MAPK6: variants seen among roughly 807,000 people sequenced by gnomAD.
MAPK6 encodes ERK-3.
Under a neutral mutation model 59.3 loss-of-function variants are expected in MAPK6, and 19 were observed. The observed-to-expected ratio is 0.32, with a 90% CI of 0.22 to 0.47. The LOEUF is 0.47. Ranked by LOEUF, MAPK6 falls within the 20% of genes least tolerant of loss-of-function variation. MAPK6 has a pLI of 1.00. For missense variants in MAPK6, 724 were observed against 847.9 expected (o/e 0.85, Z 1.81); for synonymous variants, 316 against 290.3 (o/e 1.09, Z -0.90).
chr15:52,043,589 G>T (rs562430272), intron 1 of MAPK6, among the ~76,000 whole-genome samples: 1 of 151,698 alleles, frequency 6.6e-6, no homozygotes, highest in Non-Finnish European at 1.5e-5. Context: ...GAGCCACCGC[G>T]CCTGGCCACA....
At chr15:52,034,559 G>T (rs1327743215) in intron 1 of MAPK6, among the ~76,000 whole-genome samples, 1 of 151,890 alleles carries the variant, frequency 6.6e-6, no homozygotes, top group Non-Finnish European at 1.5e-5. Flanking sequence ...GCCTGCCTCG[G>T]CCCCCCAAAG....
chr15:52,016,371 A>AC (rs1254564264), upstream of MAPK6, among the ~76,000 whole-genome samples: 3 of 151,884 alleles, frequency 2.0e-5, no homozygotes, highest in Non-Finnish European at 2.9e-5. Flanking sequence ...CCTGGATGAC[A>AC]AGAGCAAAAC....
chr15:52,039,316 G>C (rs372353069), intron 1 of MAPK6, among the ~76,000 whole-genome samples: 3 of 152,216 alleles, frequency 2.0e-5, no homozygotes, highest in East Asian at 1.9e-4. Flanking sequence ...TCTGGTTACA[G>C]ATTTACTGTA....
At chr15:52,004,910 G>C (rs1009440274) in intron 3 of MAPK6, among the ~76,000 whole-genome samples, 1 of 152,080 alleles carries the variant, frequency 6.6e-6, no homozygotes, top group Non-Finnish European at 1.5e-5. Context: ...CCCTTCTGTC[G>C]CTCTGAGGCT....
chr15:52,064,872 C>T lies in MAPK6; in HGVS notation c.2038C>T (p.Pro680Ser). 2 of 1,611,946 alleles carry T rather than the reference C, an allele frequency of 1.2e-6. No individual in the cohort carries two copies. Among genetic ancestry groups the T allele is most frequent in the Non-Finnish European group, 1.7e-6 (2 of 1,179,826 alleles). Reference sequence around the variant, plus strand: ...CAAGCAGCTCGAGTCCATAGGCATCCCACAGTTTCACAGTCCAGTTGGGTC... The same window carrying T: ...CAAGCAGCTCGAGTCCATAGGCATCTCACAGTTTCACAGTCCAGTTGGGTC... ...FNKQLESIGI[P>S]QFHSPVGSPL... The change falls in exon 6 of 6, where the codon CCA becomes TCA. Residue 680 changes from proline to serine, a missense_variant. Physicochemically the swap from Pro to Ser is moderately conservative, Grantham distance 74. Coordinates refer to ENST00000261845, the MANE Select transcript of MAPK6 (RefSeq NM_002748.4).
In MAPK6 at chr15:52,050,090, C is replaced by G. The variant is rs375629911; in HGVS notation, c.653C>G (p.Ala218Gly). Reference sequence around the variant, plus strand: ...ACTAAAGCCATTGACATGTGGGCTGCAGGCTGCATCTTTGCTGAAATGCTG... The same window carrying G: ...ACTAAAGCCATTGACATGTGGGCTGGAGGCTGCATCTTTGCTGAAATGCTG... ...NYTKAIDMWAAGCIFAEMLTG... is the reference protein window; with the variant it reads ...NYTKAIDMWAGGCIFAEMLTG... Residue 218 changes from alanine to glycine, a missense_variant, in exon 3 of 6, where the codon GCA becomes GGA. Ala to Gly is a moderately conservative substitution (Grantham distance 60). This residue lies in a region of MAPK6 where 105 missense variants were observed against 191.9 expected (regional missense o/e 0.55). Transcript: ENST00000261845. 33 of 1,611,818 alleles carry G rather than the reference C, an allele frequency of 2.0e-5. No homozygotes were observed. Among genetic ancestry groups the G allele is most frequent in the Non-Finnish European group, 2.6e-5 (31 of 1,179,428 alleles).
At chr15:52,063,220 A>T (rs1291001930) in intron 5 of MAPK6, among the ~76,000 whole-genome samples, 1 of 151,948 alleles carries the variant, frequency 6.6e-6, no homozygotes, top group Non-Finnish European at 1.5e-5. Flanking sequence ...ACCCGCCACC[A>T]TGTTCAGCTA....
intron 3 of MAPK6, among the ~76,000 whole-genome samples, chr15:52,057,831 CTCTT>C (rs1309310154): frequency 2.6e-5 from 4 of 152,176 alleles, no homozygotes; most frequent in Non-Finnish European, 5.9e-5. Context: ...TTAGCTTACT[CTCTT>C]TTTCTTTATA....
intron 5 of MAPK6, among the ~76,000 whole-genome samples, chr15:52,062,777 A>G (rs1424316858): frequency 6.6e-6 from 1 of 152,170 alleles, no homozygotes; most frequent in Non-Finnish European, 1.5e-5. Context: ...ATAAATAAAT[A>G]AATACATTTC....
intron 1 of MAPK6, among the ~76,000 whole-genome samples, chr15:52,026,071 T>G (rs2030762409): frequency 6.6e-6 from 1 of 152,216 alleles, no homozygotes; most frequent in Non-Finnish European, 1.5e-5. Flanking sequence ...GCAAGTCAGT[T>G]TCTTTCCATC....
At chr15:51,992,608 C>T (rs968475130) in intron 2 of MAPK6, among the ~76,000 whole-genome samples, 2 of 151,850 alleles carry the variant, frequency 1.3e-5, no homozygotes, top group African/African-American at 2.4e-5. Flanking sequence ...ACAGCCAAGC[C>T]GTCCCCCATT....
chr15:52,026,101 G>C (rs2030763338), intron 1 of MAPK6, among the ~76,000 whole-genome samples: 1 of 152,174 alleles, frequency 6.6e-6, no homozygotes, highest in South Asian at 2.1e-4. Flanking sequence ...ATTTTCACTT[G>C]AATTTTTAAA....
intron 2 of MAPK6, among the ~76,000 whole-genome samples, chr15:51,986,260 A>G (rs1269676516): frequency 6.6e-6 from 1 of 152,092 alleles, no homozygotes; most frequent in East Asian, 1.9e-4. Flanking sequence ...TGATCCAATC[A>G]CCTCCTATCA....
At chr15:52,006,977 A>G (rs1331387061) in intron 3 of MAPK6, among the ~76,000 whole-genome samples, 1 of 152,172 alleles carries the variant, frequency 6.6e-6, no homozygotes, top group Non-Finnish European at 1.5e-5. Flanking sequence ...TGTTAGAAAT[A>G]CTGGTTCTGT....
intron 3 of MAPK6, among the ~76,000 whole-genome samples, chr15:52,057,687 G>A (rs1415933625): frequency 1.3e-5 from 2 of 152,180 alleles, no homozygotes; most frequent in Non-Finnish European, 2.9e-5. Context: ...TGGAACTATA[G>A]GCATGCGCCT....
At position 52,047,131 on chromosome 15, in the gene MAPK6, A is replaced by G. The variant is rs1046823317; in HGVS notation, c.555+116A>G. On this transcript the variant is annotated intron_variant, in intron 2 of 5. Coordinates refer to ENST00000261845, the MANE Select transcript of MAPK6 (RefSeq NM_002748.4). Reference sequence around the variant, plus strand: ...AATTTTTAATCTTATTAAACTTTACATAGTGCCTTTTTTCTGAAACAAGTC... The same window carrying G: ...AATTTTTAATCTTATTAAACTTTACGTAGTGCCTTTTTTCTGAAACAAGTC... 12 of 651,944 alleles carry G rather than the reference A, an allele frequency of 1.8e-5. No individual in the cohort carries two copies. The South Asian group carries it at 2.4e-4, about 13-fold the overall frequency. The allele number at this position is 651,944 out of a possible 1,614,324, so 40.4% of individuals were successfully genotyped here.
intron 3 of MAPK6, among the ~76,000 whole-genome samples, chr15:52,007,872 A>C (rs2029944622): frequency 7.1e-6 from 1 of 141,100 alleles, no homozygotes; most frequent in African/African-American, 2.7e-5. Flanking sequence ...TTTGAGACGG[A>C]GTTCCACTCC....
Position 52,019,543 on chromosome 15 carries a change from G to A in MAPK6, c.-632+167G>A, listed in dbSNP as rs2030418366. 5.5e-5 allele frequency among the ~76,000 whole-genome samples: 8 copies of A among 146,016 alleles called. No homozygotes were observed. In the South Asian group the frequency reaches 1.7e-3, roughly 30 times the overall value. On this transcript the variant is annotated intron_variant, in intron 1 of 5. Transcript: ENST00000261845. ...CGCTCAACAAAGGCGTTTTTGTTCG[G>A]TCTGCCGCCCGCCCCCTGCTCGCCC...
chr15:52,061,566 T>G, intron 5 of MAPK6, 66 bp downstream of exon 5: 1 of 1,191,952 alleles, frequency 8.4e-7, no homozygotes, highest in Non-Finnish European at 1.2e-6. Flanking sequence ...TGTAGTGAGT[T>G]TTTTTAAAAT....
Sources: gnomAD v4.1 joint callset for allele counts (sites outside exome capture counted in the v4.1 genomes callset) on GRCh38, gnomAD v4.1.1 for gene constraint, gnomAD v4.1.1 regional missense constraint, MANE v1.5 for transcripts, NCBI Gene and HGNC (gene_info 2026-07-23, HGNC 2026-07-21) for gene names.